Variants in CPD observed in about 807,000 individuals in gnomAD.
CPD encodes the protein metallocarboxypeptidase D.
Under a neutral mutation model 138.3 loss-of-function variants are expected in CPD, and 69 were observed. The ratio of observed to expected loss-of-function variants is 0.50; its 90% CI spans 0.41 to 0.61. CPD has a LOEUF of 0.61. Among genes scored for constraint, CPD ranks in the 20% least tolerant of loss-of-function variants. The pLI is 0.00. For missense variants in CPD, 1,432 were observed against 1,733.3 expected, an observed-to-expected ratio of 0.83 and a Z score of 3.09; for synonymous variants, 651 against 642.1, an observed-to-expected ratio of 1.01 and a Z score of -0.21.
intron 11 of CPD, chr17:30,444,204 A>G (rs1326219592): frequency 1.9e-5 from 7 of 371,890 alleles, no homozygotes; most frequent in African/African-American, 4.0e-5. Context: ...TAGTTGACTC[A>G]TTGTGACATG....
chr17:30,464,540 A>G, intron 20 of CPD, 48 bp from the exon 21 acceptor site: 1 of 1,494,074 alleles, frequency 6.7e-7, no homozygotes, highest in East Asian at 2.3e-5. Flanking sequence ...CTGCTTATTA[A>G]TATCCTTAAA....
At chr17:30,394,410 A>G (rs966112679) in intron 2 of CPD, among the ~76,000 whole-genome samples, 2 of 152,060 alleles carry the variant, frequency 1.3e-5, no homozygotes, top group African/African-American at 4.8e-5. Context: ...CCTCTCCTAT[A>G]ATAACTGTCA....
At chr17:30,411,510 T>C (rs1435901056) in intron 2 of CPD, among the ~76,000 whole-genome samples, 1 of 152,224 alleles carries the variant, frequency 6.6e-6, no homozygotes, top group Non-Finnish European at 1.5e-5. Context: ...AAATGTAGAT[T>C]TGGTTTTTTT....
chr17:30,396,311 A>G (rs753850309), intron 2 of CPD, among the ~76,000 whole-genome samples: 62 of 152,130 alleles, frequency 4.1e-4, no homozygotes, highest in Non-Finnish European at 8.8e-4. Flanking sequence ...GTTTCCTTGT[A>G]AAAGATTAAT....
At chr17:30,394,354 C>G (rs1911442546) in intron 2 of CPD, among the ~76,000 whole-genome samples, 1 of 152,092 alleles carries the variant, frequency 6.6e-6, no homozygotes, top group Non-Finnish European at 1.5e-5. Flanking sequence ...AGGCTATCCT[C>G]TGTCTGAAGT....
At chr17:30,385,344 A>G (rs1468379117) in intron 2 of CPD, 108 bp downstream of exon 2, 3 of 1,341,654 alleles carry the variant, frequency 2.2e-6, no homozygotes, top group Non-Finnish European at 3.0e-6. Context: ...ACTTTAAAAG[A>G]TATTTATTTT....
At chr17:30,420,115 A>G (rs545984657) in intron 2 of CPD, among the ~76,000 whole-genome samples, 6 of 152,372 alleles carry the variant, frequency 3.9e-5, no homozygotes, top group Admixed American at 2.0e-4. Context: ...GCTGTCAACA[A>G]AATGAGTGTG....
chr17:30,411,220 G>A (rs1911960551), intron 2 of CPD, among the ~76,000 whole-genome samples: 1 of 152,186 alleles, frequency 6.6e-6, no homozygotes, highest in Admixed American at 6.5e-5. Flanking sequence ...TTTCTGACGA[G>A]AGATCTGCTG....
At chr17:30,396,465 A>G (rs1911510284) in intron 2 of CPD, among the ~76,000 whole-genome samples, 1 of 152,134 alleles carries the variant, frequency 6.6e-6, no homozygotes, top group Non-Finnish European at 1.5e-5. Flanking sequence ...GAGACAGAAG[A>G]GTGAATCTTT....
intron 18 of CPD, among the ~76,000 whole-genome samples, chr17:30,461,559 C>T (rs1913474227): frequency 6.6e-6 from 1 of 152,092 alleles, no homozygotes; most frequent in Admixed American, 6.6e-5. Context: ...CACAGAGTTA[C>T]TGGAGTCAGT....
intron 10 of CPD, among the ~76,000 whole-genome samples, chr17:30,443,165 A>G (rs1441779570): frequency 6.6e-6 from 1 of 152,140 alleles, no homozygotes; most frequent in African/African-American, 2.4e-5. Context: ...ACACACTCAC[A>G]TACACATACA....
intron 6 of CPD, 104 bp from the exon 7 acceptor site, chr17:30,427,287 A>T: frequency 1.1e-6 from 1 of 935,268 alleles, no homozygotes; most frequent in Non-Finnish European, 1.7e-6. Flanking sequence ...GCGAAGCCTG[A>T]TGTGTTCACA....
intron 9 of CPD, 48 bp downstream of exon 9, chr17:30,439,125 C>G: frequency 9.7e-7 from 1 of 1,035,432 alleles, no homozygotes; most frequent in Non-Finnish European, 1.4e-6. Flanking sequence ...GGCCTTTCTG[C>G]TTTCCTAGAT....
In CPD at chr17:30,433,161, G is replaced by A. The variant is rs78651066; in HGVS notation, c.2127+1280G>A. ...AATGAATCTTGTGAGATTGTTCAGA[G>A]TTTCTACTAGAGGAGTACAGCTGTT... On this transcript the variant is annotated intron_variant, in intron 8 of 20. Transcript: ENST00000225719. Among the ~76,000 whole-genome samples the A allele has an allele frequency of 1.8e-4, 28 of 152,226 alleles. 2 individuals are homozygous for A. In the East Asian group the frequency reaches 5.4e-3, roughly 29 times the overall value.
chr17:30,379,137 G>GGCC lies in CPD; in HGVS notation c.158_160dup (p.Gly53_Gln54insArg). The GGCC allele has an allele frequency of 6.5e-7, 1 of 1,538,756 alleles. No homozygotes were observed. Among genetic ancestry groups the GGCC allele is most frequent in the South Asian group, 1.2e-5 (1 of 84,174 alleles). On this transcript the variant is annotated inframe_insertion, in exon 1 of 21. Transcript: ENST00000225719. This position sits in a 1 kb window ranked among gnomAD's most constrained non-coding sequence, Gnocchi z 7.0. The stretch of plus-strand genomic sequence containing the variant: ...GAGCGCGGGCGCCGAGGCGGCCGAG[G>GGCC]GCCAGTTCGACCGCTACTACCACGA...
intron 2 of CPD, among the ~76,000 whole-genome samples, chr17:30,390,863 C>T (rs778234385): frequency 2.0e-5 from 3 of 150,450 alleles, no homozygotes; most frequent in Non-Finnish European, 4.4e-5. Context: ...GAGTTTCGCT[C>T]TTGTTGCCCA....
At position 30,443,980 on chromosome 17, in the gene CPD, C is replaced by T. The variant is rs1453225959; in HGVS notation, c.2543+9C>T. On this transcript the variant is annotated intron_variant, in intron 11 of 20. Coordinates refer to ENST00000225719, the MANE Select transcript of CPD (RefSeq NM_001304.5). ...ACAGCATCTGCTCGAGGGTGAGTGACTGAATGCTTTGAAATAGAGTGCTCG... is the reference window on the plus strand; with the variant it reads ...ACAGCATCTGCTCGAGGGTGAGTGATTGAATGCTTTGAAATAGAGTGCTCG... 12 of 1,613,174 alleles carry T rather than the reference C, an allele frequency of 7.4e-6. No homozygotes were observed. In the Middle Eastern group the frequency reaches 6.6e-4, roughly 89 times the overall value.
chr17:30,418,223 C>T (rs1362742960), intron 2 of CPD, among the ~76,000 whole-genome samples: 1 of 151,898 alleles, frequency 6.6e-6, no homozygotes, highest in East Asian at 1.9e-4. Flanking sequence ...CTTTGTTACC[C>T]AGACTGGAGT....
chr17:30,391,637 A>G (rs907241221), intron 2 of CPD, among the ~76,000 whole-genome samples: 6 of 152,152 alleles, frequency 3.9e-5, no homozygotes, highest in Admixed American at 2.6e-4. Flanking sequence ...TTAGGTTGGA[A>G]TCACAACTCT....
Sources: allele counts gnomAD v4.1 joint callset (sites outside exome capture counted in the v4.1 genomes callset), GRCh38; gene constraint gnomAD v4.1.1; non-coding constraint Gnocchi (gnomAD v3.1); transcripts MANE v1.5; gene names NCBI Gene and HGNC (gene_info 2026-07-23, HGNC 2026-07-21).